KCTD7: variants seen among roughly 807,000 people sequenced by gnomAD.
KCTD7 encodes BTB/POZ domain-containing protein KCTD7.
Under a neutral mutation model 27.0 loss-of-function variants are expected in KCTD7, and 15 were observed. That is an observed-to-expected ratio of 0.56 (90% CI 0.37 to 0.86). KCTD7 has a LOEUF of 0.86. Among genes scored for constraint, KCTD7 ranks in the 40% least tolerant of loss-of-function variants. The probability of loss-of-function intolerance (pLI) is 0.00; values close to 1 mark genes in which losing one functional copy is unlikely to be tolerated. For synonymous variants in KCTD7, 159 were observed against 162.7 expected, an observed-to-expected ratio of 0.98 and a Z score of 0.17; for missense variants, 299 against 398.9, an observed-to-expected ratio of 0.75 and a Z score of 2.13.
At chr7:66,634,142 A>G (rs1302546923) in intron 2 of KCTD7, among the ~76,000 whole-genome samples, 3 of 136,900 alleles carry the variant, frequency 2.2e-5, no homozygotes, top group Non-Finnish European at 3.2e-5. Flanking sequence ...ATATATGTAT[A>G]TATATGAGCT....
At chr7:66,634,019 A>G (rs1021590131) in intron 2 of KCTD7, among the ~76,000 whole-genome samples, 9 of 150,510 alleles carry the variant, frequency 6.0e-5, no homozygotes, top group South Asian at 2.1e-4. Context: ...TTATTTATTT[A>G]TTATTTATTT....
rs1584400315 is a variant in KCTD7, at chr7:66,639,781, A to G, written c.*549A>G. On this transcript the variant is annotated 3_prime_UTR_variant, in exon 4 of 4. Transcript: ENST00000639828. ...TTCTCCTCCAAGAATAGTTGCCCAC[A>G]TTCCCAAAATGTGGAAAGACTTTTC... The G allele has an allele frequency of 1.6e-6, 2 of 1,250,300 alleles. No individual in the cohort carries two copies. The highest frequency in any genetic ancestry group is 6.1e-5 in the East Asian group (2 of 32,942). The allele number at this position is 1,250,300 out of a possible 1,614,324, so 77.5% of individuals were successfully genotyped here.
In KCTD7 at chr7:66,639,802, T is replaced by A. The variant is rs997902309; in HGVS notation, c.*570T>A. 4 of 1,249,470 alleles carry A rather than the reference T, an allele frequency of 3.2e-6. No individual in the cohort carries two copies. In the African/African-American group the frequency reaches 6.2e-5, roughly 19 times the overall value. 77.4% of individuals were successfully genotyped at this position (1,249,470 alleles called of 1,614,324 possible). ...CCACATTCCCAAAATGTGGAAAGAC[T>A]TTTCTTTTCCTTCCGGAACATGTTC... On this transcript the variant is annotated 3_prime_UTR_variant, in exon 4 of 4. Transcript: ENST00000639828.
Position 66,640,334 on chromosome 7 carries a change from T to G in KCTD7, c.*1102T>G. On this transcript the variant is annotated 3_prime_UTR_variant, in exon 4 of 4. Coordinates refer to ENST00000639828, the MANE Select transcript of KCTD7 (RefSeq NM_153033.5). ...CTCTATTTTTGTTTTACTCACTTCT[T>G]TATATTTTGTTTTACTCCTCACTCC... 1 of 1,536,144 alleles carries G rather than the reference T, an allele frequency of 6.5e-7. No individual in the cohort carries two copies. Among genetic ancestry groups the G allele is most frequent in the Admixed American group, 2.0e-5 (1 of 50,720 alleles).
intron 1 of KCTD7, among the ~76,000 whole-genome samples, chr7:66,631,639 A>G (rs1786444797): frequency 6.6e-6 from 1 of 152,118 alleles, no homozygotes; most frequent in Admixed American, 6.6e-5. Flanking sequence ...GGAAGATTAA[A>G]GAGAACTTAA....
rs970315651 is a variant in KCTD7, at chr7:66,640,491, CT to C, written c.*1260del. 67 of 1,533,568 alleles carry C rather than the reference CT, an allele frequency of 4.4e-5. No individual in the cohort carries two copies. Among genetic ancestry groups the C allele is most frequent in the Non-Finnish European group, 5.8e-5 (66 of 1,145,512 alleles). 95.0% of individuals were successfully genotyped at this position (1,533,568 alleles called of 1,614,324 possible). ...TAGTCAGGGTCTGGACATGCATCTC[CT>C]AAAGGAAGAACTGTGTAGCACCATT... On this transcript the variant is annotated 3_prime_UTR_variant, in exon 4 of 4. Transcript: ENST00000639828.
At position 66,638,965 on chromosome 7, in the gene KCTD7, C is replaced by T. The variant is rs1406618020; in HGVS notation, c.603C>T (p.Pro201=). The T allele has an allele frequency of 1.2e-6, 2 of 1,614,096 alleles. No individual in the cohort carries two copies. Among genetic ancestry groups the T allele is most frequent in the East Asian group, 2.2e-5 (1 of 44,902 alleles). ...TCAAGGAGGAGATGCCCATCACCCC[C>T]TATGAGTGTCCGCTCCTCAACTCCC... is the stretch of plus-strand genomic sequence containing the variant. The part of the protein sequence containing the change: ...CVFKEEMPIT[P]YECPLLNSLR... The change falls in exon 4 of 4, where the codon CCC becomes CCT. Residue 201 remains proline (P), a synonymous_variant. Transcript: ENST00000639828.
Position 66,640,357 on chromosome 7 carries a change from T to G in KCTD7, c.*1125T>G, listed in dbSNP as rs779953354. On this transcript the variant is annotated 3_prime_UTR_variant, in exon 4 of 4. Transcript: ENST00000639828. The stretch of plus-strand genomic sequence containing the variant: ...CTTTATATTTTGTTTTACTCCTCAC[T>G]CCTGTATATTTTGGTTTACTTACTC... 1.3e-6 allele frequency: 2 copies of G among 1,536,888 alleles called. No homozygotes were observed. Among genetic ancestry groups the G allele is most frequent in the African/African-American group, 2.7e-5 (2 of 73,032 alleles).
At position 66,642,320 on chromosome 7, in the gene KCTD7, A is replaced by G; in HGVS notation, c.*3088A>G. ...TACCATGCAGAAAGCAGTCAGCTGTACTCTGGAAGTTTCTGTTCTTCTTTC... is the reference window on the plus strand; with the variant it reads ...TACCATGCAGAAAGCAGTCAGCTGTGCTCTGGAAGTTTCTGTTCTTCTTTC... On this transcript the variant is annotated 3_prime_UTR_variant, in exon 4 of 4. Transcript: ENST00000639828. The G allele has an allele frequency of 1.0e-6, 1 of 985,364 alleles. No individual in the cohort carries two copies. The allele number at this position is 985,364 out of a possible 1,614,324, so 61.0% of individuals were successfully genotyped here.
intron 2 of KCTD7, among the ~76,000 whole-genome samples, chr7:66,636,966 A>C (rs975448753): frequency 2.6e-5 from 4 of 152,180 alleles, no homozygotes; most frequent in Non-Finnish European, 4.4e-5. Flanking sequence ...ACTCTTCTGC[A>C]TTGCTGTTGG....
intron 1 of KCTD7, among the ~76,000 whole-genome samples, chr7:66,630,390 G>A (rs1219586047): frequency 2.6e-5 from 4 of 152,080 alleles, no homozygotes; most frequent in Non-Finnish European, 2.9e-5. Context: ...CAGGAGTCTG[G>A]GACCAGCTTG....
In KCTD7 at chr7:66,638,925, T is replaced by C; in HGVS notation, c.563T>C (p.Leu188Pro). ...CAGCGGAAGGCCCGCTTTGCCAAGC[T>C]CAAGGTCTGTGTCTTCAAGGAGGAG... ...AVQRKARFAK[L>P]KVCVFKEEMP... The change falls in exon 4 of 4, where the codon CTC becomes CCC. Residue 188 changes from leucine to proline, a missense_variant. Transcript: ENST00000639828. The C allele has an allele frequency of 6.2e-7, 1 of 1,614,184 alleles. No individual in the cohort carries two copies. The highest frequency in any genetic ancestry group is 8.5e-7 in the Non-Finnish European group (1 of 1,180,030).
Position 66,641,103 on chromosome 7 carries a change from AAG to A in KCTD7, c.*1874_*1875del. On this transcript the variant is annotated 3_prime_UTR_variant, in exon 4 of 4. Transcript: ENST00000639828. The stretch of plus-strand genomic sequence containing the variant: ...GGAAAAGAGGTGGATACTGAGATCT[AAG>A]AGGAAAGGATAGTCATTCACGTTCT... The A allele has an allele frequency of 1.0e-6, 1 of 985,382 alleles. No individual in the cohort carries two copies. Among genetic ancestry groups the A allele is most frequent in the Non-Finnish European group, 1.2e-6 (1 of 829,930 alleles). 61.0% of individuals were successfully genotyped at this position (985,382 alleles called of 1,614,324 possible). A position where few individuals can be genotyped will look rare whatever the true frequency, so the allele number is the denominator to read the frequency against.
chr7:66,632,948 T>C (rs1298186581), intron 1 of KCTD7, among the ~76,000 whole-genome samples: 1 of 150,836 alleles, frequency 6.6e-6, no homozygotes, highest in Non-Finnish European at 1.5e-5. Flanking sequence ...TCCCAGCTAC[T>C]CCGGGAGGCT....
At position 66,640,689 on chromosome 7, in the gene KCTD7, C is replaced by T; in HGVS notation, c.*1457C>T. The T allele has an allele frequency of 7.9e-7, 1 of 1,260,772 alleles. No individual in the cohort carries two copies. Among genetic ancestry groups the T allele is most frequent in the Non-Finnish European group, 1.0e-6 (1 of 999,852 alleles). 78.1% of individuals were successfully genotyped at this position (1,260,772 alleles called of 1,614,324 possible). A position where few individuals can be genotyped will look rare whatever the true frequency, so the allele number is the denominator to read the frequency against. ...CTTGGGCACACGCCTGTAGTCCAGG[C>T]CACTCGAGCACACACCTGTAGTACC... On this transcript the variant is annotated 3_prime_UTR_variant, in exon 4 of 4. Coordinates refer to ENST00000639828, the MANE Select transcript of KCTD7 (RefSeq NM_153033.5).
chr7:66,639,983 A>G lies in KCTD7; in HGVS notation c.*751A>G. 3 of 1,257,886 alleles carry G rather than the reference A, an allele frequency of 2.4e-6. No individual in the cohort carries two copies. The highest frequency in any genetic ancestry group is 3.0e-6 in the Non-Finnish European group (3 of 1,004,752). 77.9% of individuals were successfully genotyped at this position (1,257,886 alleles called of 1,614,324 possible). On this transcript the variant is annotated 3_prime_UTR_variant, in exon 4 of 4. Transcript: ENST00000639828. ...CAGGGTTATCTTCTCACAGGGCTGG[A>G]ATGCAAATTTCAGAGGCTTCTTTTG...
In KCTD7 at chr7:66,640,023, C is replaced by G; in HGVS notation, c.*791C>G. 8.0e-7 allele frequency: 1 copy of G among 1,255,812 alleles called. No individual in the cohort carries two copies. The highest frequency in any genetic ancestry group is 3.7e-5 in the South Asian group (1 of 27,206). The allele number at this position is 1,255,812 out of a possible 1,614,324, so 77.8% of individuals were successfully genotyped here. On this transcript the variant is annotated 3_prime_UTR_variant, in exon 4 of 4. Coordinates refer to ENST00000639828, the MANE Select transcript of KCTD7 (RefSeq NM_153033.5). ...GGCTTCTTTTGAAGATTCCCCAAGT[C>G]AAGCAGGCAAGATGCCTAGATCTTC...
In KCTD7 at chr7:66,639,675, C is replaced by CATG. The variant is rs1786669208; in HGVS notation, c.*447_*449dup. 7.9e-7 allele frequency: 1 copy of CATG among 1,266,312 alleles called. No homozygotes were observed. The highest frequency in any genetic ancestry group is 3.0e-5 in the South Asian group (1 of 32,820). The allele number at this position is 1,266,312 out of a possible 1,614,324, so 78.4% of individuals were successfully genotyped here. On this transcript the variant is annotated 3_prime_UTR_variant, in exon 4 of 4. Coordinates refer to ENST00000639828, the MANE Select transcript of KCTD7 (RefSeq NM_153033.5). ...TCAGTATATTGGTGTGAACACGGAA[C>CATG]ATGATGGGGGATTTACCTGACCAGC...
chr7:66,639,447 C>T lies in KCTD7; in HGVS notation c.*215C>T. Reference sequence around the variant, plus strand: ...CAGGGCTTGCGGCCTGCAGGCACTCCAGCCAGCGCTCACCTGGCCTTTCCT... The same window carrying T: ...CAGGGCTTGCGGCCTGCAGGCACTCTAGCCAGCGCTCACCTGGCCTTTCCT... On this transcript the variant is annotated 3_prime_UTR_variant, in exon 4 of 4. Coordinates refer to ENST00000639828, the MANE Select transcript of KCTD7 (RefSeq NM_153033.5). 1 of 1,455,252 alleles carries T rather than the reference C, an allele frequency of 6.9e-7. No individual in the cohort carries two copies. The highest frequency in any genetic ancestry group is 9.0e-7 in the Non-Finnish European group (1 of 1,105,490). 90.1% of individuals were successfully genotyped at this position (1,455,252 alleles called of 1,614,324 possible).
Sources: allele counts gnomAD v4.1 joint callset (sites outside exome capture counted in the v4.1 genomes callset), GRCh38; gene constraint gnomAD v4.1.1; transcripts MANE v1.5; gene names NCBI Gene and HGNC (gene_info 2026-07-23, HGNC 2026-07-21).